The following WRN variants were observed in gnomAD, a reference collection of about 807,000 sequenced individuals.
The protein encoded by WRN is WRN RecQ like helicase.
A neutral mutation model predicts 180.7 loss-of-function variants in WRN; 149 were observed. That is an observed-to-expected ratio of 0.82 (90% confidence interval 0.72 to 0.94). The LOEUF (loss-of-function observed/expected upper bound fraction) is 0.94, where lower values mean the gene tolerates loss of function less well. WRN is among the 40% of genes least tolerant of loss of function. WRN has a pLI of 0.00. For synonymous variants in WRN, 548 were observed against 568.9 expected (o/e 0.96, Z 0.52); for missense variants, 1,661 against 1,700.1 (o/e 0.98, Z 0.40).
chr8:31,167,062 A>G lies in WRN; in HGVS notation c.4023A>G (p.Glu1341=). 6.2e-7 allele frequency: 1 copy of G among 1,613,280 alleles called. No individual in the cohort carries two copies. The highest frequency in any genetic ancestry group is 8.5e-7 in the Non-Finnish European group (1 of 1,179,432). Residue 1341 remains glutamate (E), a synonymous_variant, in exon 34 of 35, where the codon GAA becomes GAG. Coordinates refer to ENST00000298139, the MANE Select transcript of WRN (RefSeq NM_000553.6). The part of the protein sequence containing the change: ...KISLIRMLVP[E]NIDTYLIHMA... Reference sequence around the variant, plus strand: ...GCCTAATCAGAATGTTAGTTCCTGAAAACATTGACACGTACCTTATCCACA... The same window carrying G: ...GCCTAATCAGAATGTTAGTTCCTGAGAACATTGACACGTACCTTATCCACA...
chr8:31,118,679 CT>C (rs1801609509), intron 20 of WRN, among the ~76,000 whole-genome samples: 1 of 151,984 alleles, frequency 6.6e-6, no homozygotes. Flanking sequence ...TGTTTAGAAT[CT>C]TAAATTTTCT....
Position 31,068,184 on chromosome 8 carries a change from T to C in WRN, c.655-74T>C, listed in dbSNP as rs946483387. 16 of 1,127,400 alleles carry C rather than the reference T, an allele frequency of 1.4e-5. No individual in the cohort carries two copies. The South Asian group carries it at 1.9e-4, about 13-fold the overall frequency. The allele number at this position is 1,127,400 out of a possible 1,614,324, so 69.8% of individuals were successfully genotyped here. ...CTTTGTGAATCATTCTCTTCGATTT[T>C]TCTGAAGATGGGACTTACTGTTTTA... On this transcript the variant is annotated intron_variant, in intron 6 of 34. Transcript: ENST00000298139.
At chr8:31,169,266 T>G (rs989915721) in intron 34 of WRN, among the ~76,000 whole-genome samples, 2 of 151,670 alleles carry the variant, frequency 1.3e-5, no homozygotes, top group Admixed American at 6.6e-5. Context: ...ATTTCTGTAT[T>G]CCACATAGCT....
intron 19 of WRN, among the ~76,000 whole-genome samples, chr8:31,113,065 GC>G (rs1801378885): frequency 6.6e-6 from 1 of 150,848 alleles, no homozygotes; most frequent in African/African-American, 2.4e-5. Flanking sequence ...AATTAGCTGG[GC>G]ATGGTGGTGC....
rs190061516 is a variant in WRN at position 31,079,914 on chromosome 8, C to T, written c.840-953C>T. Among the ~76,000 whole-genome samples, 57 of 151,634 alleles carry T rather than the reference C, an allele frequency of 3.8e-4. No individual in the cohort carries two copies. In the East Asian group the frequency reaches 4.3e-3, roughly 11 times the overall value. ...TTTTGAAACAGAGTATTGCTCTTGT[C>T]GCCCAGGCTGGAGTGCAATGGCACG... On this transcript the variant is annotated intron_variant, in intron 8 of 34. Transcript: ENST00000298139.
chr8:31,036,390 A>G (rs1452094000), intron 1 of WRN, among the ~76,000 whole-genome samples: 2 of 152,102 alleles, frequency 1.3e-5, no homozygotes, highest in African/African-American at 4.8e-5. Flanking sequence ...CCTGTAGTGG[A>G]TTTGCTGGAC....
intron 23 of WRN, among the ~76,000 whole-genome samples, chr8:31,129,813 T>C (rs998588907): frequency 6.6e-6 from 1 of 151,850 alleles, no homozygotes; most frequent in African/African-American, 2.4e-5. Context: ...GAAACCATCC[T>C]GGCCAACATG....
intron 34 of WRN, among the ~76,000 whole-genome samples, chr8:31,168,679 C>T (rs1776775469): frequency 6.6e-6 from 1 of 152,132 alleles, no homozygotes; most frequent in Admixed American, 6.6e-5. Flanking sequence ...ATTAGCCTCC[C>T]TGTATGAAAA....
At position 31,124,596 on chromosome 8, in the gene WRN, A is replaced by G. The variant is rs1341524063; in HGVS notation, c.2705A>G (p.Tyr902Cys). ...AAGATGATGGCAAAGATGGAAAAAT[A>G]TCTTCATTCTAGCAGATGTAGGAGA... is the stretch of plus-strand genomic sequence containing the variant. ...KLKMMAKMEKYLHSSRCRRQI... is the reference protein window; with the variant it reads ...KLKMMAKMEKCLHSSRCRRQI... The change falls in exon 22 of 35, where the codon TAT (tyrosine) becomes TGT (cysteine). Residue 902 changes from tyrosine to cysteine, a missense_variant. By Grantham distance (194) the Tyr-to-Cys change is radical. This residue lies in a region of WRN where 1,141 missense variants were observed against 1,149.4 expected (regional missense o/e 0.99). Transcript: ENST00000298139. The G allele has an allele frequency of 2.5e-6, 4 of 1,612,442 alleles. No homozygotes were observed. Among genetic ancestry groups the G allele is most frequent in the South Asian group, 2.2e-5 (2 of 91,032 alleles).
intron 9 of WRN, among the ~76,000 whole-genome samples, chr8:31,081,528 T>G (rs1413685886): frequency 6.6e-6 from 1 of 152,238 alleles, no homozygotes; most frequent in Non-Finnish European, 1.5e-5. Context: ...CACATTTGGC[T>G]TGCGAGCTGT....
intron 24 of WRN, among the ~76,000 whole-genome samples, chr8:31,139,733 C>A (rs59099851): frequency 0.027 from 4,059 of 152,230 alleles, 178 homozygotes; most frequent in African/African-American, 0.089. Context: ...AAATTAAATA[C>A]CTCCACAATC....
chr8:31,157,507 T>A lies in WRN; in HGVS notation c.3959T>A (p.Ile1320Asn). ...PEVQKIIADV[I>N]RNPPVNSDMS... Reference sequence around the variant, plus strand: ...GTTCAGAAGATTATTGCTGATGTTATCCGAAACCCTCCCGTCAACTCAGGT... The same window carrying A: ...GTTCAGAAGATTATTGCTGATGTTAACCGAAACCCTCCCGTCAACTCAGGT... The change falls in exon 33 of 35, where the codon ATC (isoleucine) becomes AAC (asparagine). Residue 1320 changes from isoleucine to asparagine, a missense_variant. By Grantham distance (149) the Ile-to-Asn change is moderately radical. This residue lies in a region of WRN where 1,141 missense variants were observed against 1,149.4 expected (regional missense o/e 0.99). Transcript: ENST00000298139. 1 of 1,614,140 alleles carries A rather than the reference T, an allele frequency of 6.2e-7. No individual in the cohort carries two copies. The highest frequency in any genetic ancestry group is 1.1e-5 in the South Asian group (1 of 91,080).
intron 32 of WRN, 105 bp downstream of exon 32, chr8:31,154,860 A>G: frequency 7.4e-7 from 1 of 1,360,258 alleles, no homozygotes; most frequent in Non-Finnish European, 1.0e-6. Context: ...ATTTCCTCCA[A>G]CCCTACAATA....
intron 21 of WRN, among the ~76,000 whole-genome samples, chr8:31,122,204 A>T (rs1025847956): frequency 1.3e-5 from 2 of 152,014 alleles, no homozygotes; most frequent in Admixed American, 1.3e-4. Context: ...TACCCTTTGC[A>T]TCAATCCTGA....
intron 23 of WRN, among the ~76,000 whole-genome samples, chr8:31,128,936 G>C (rs1337959272): frequency 2.0e-5 from 3 of 152,104 alleles, no homozygotes; most frequent in Non-Finnish European, 2.9e-5. Flanking sequence ...GCATGGGTTG[G>C]CAAACTATGG....
chr8:31,132,201 A>C (rs1430708284), intron 23 of WRN, among the ~76,000 whole-genome samples, 164 bp from the exon 24 acceptor site: 2 of 152,122 alleles, frequency 1.3e-5, no homozygotes, highest in Admixed American at 1.3e-4. Flanking sequence ...TTCATATTTT[A>C]GCTACTTTAC....
rs369718068 is a variant in WRN, at chr8:31,149,366, C to T, written c.3573-975C>T. 1.1e-4 allele frequency among the ~76,000 whole-genome samples: 16 copies of T among 146,324 alleles called. No homozygotes were observed. The East Asian group carries it at 2.4e-3, about 22-fold the overall frequency. ...GAGCGGAGATCGCGCCACTGCACTC[C>T]AGCCTGGGTGACAGAGCGAGACTCC... On this transcript the variant is annotated intron_variant, in intron 30 of 34. Coordinates refer to ENST00000298139, the MANE Select transcript of WRN (RefSeq NM_000553.6).
rs1554528417 is a variant in WRN, at chr8:31,120,408, G to A, written c.2614G>A (p.Asp872Asn). ...SSCHVLWAPA[D>N]INLNRHLLTE... ...TTGTCACGTCCTCTGGGCTCCTGCA[G>A]ACATTAACTTAAATAGGTAAAAAAA... Residue 872 changes from aspartate (D) to asparagine (N), a missense_variant, in exon 21 of 35, where the codon GAC (aspartate) becomes AAC (asparagine). Physicochemically the swap from Asp to Asn is conservative, Grantham distance 23. Around this residue, in one of 3 missense-constraint regions of WRN, gnomAD observed 1,141 missense variants for 1,149.4 expected, o/e 0.99. Coordinates refer to ENST00000298139, the MANE Select transcript of WRN (RefSeq NM_000553.6). 1 of 1,612,340 alleles carries A rather than the reference G, an allele frequency of 6.2e-7. No homozygotes were observed. Among genetic ancestry groups the A allele is most frequent in the Non-Finnish European group, 8.5e-7 (1 of 1,178,916 alleles).
intron 28 of WRN, among the ~76,000 whole-genome samples, chr8:31,145,227 G>T (rs1802812831): frequency 6.6e-6 from 1 of 152,216 alleles, no homozygotes; most frequent in African/African-American, 2.4e-5. Context: ...TACTTTCATA[G>T]CTAGAGAGAA....
Sources: allele counts gnomAD v4.1 joint callset (sites outside exome capture counted in the v4.1 genomes callset), GRCh38; gene constraint gnomAD v4.1.1; regional missense constraint gnomAD v4.1.1; transcripts MANE v1.5; gene names NCBI Gene and HGNC (gene_info 2026-07-23, HGNC 2026-07-21).